Variants in HEPHL1 observed in about 807,000 individuals in gnomAD.
The protein encoded by HEPHL1 is ferroxidase HEPHL1.
In HEPHL1, 123 loss-of-function variants were observed where a neutral mutation model predicts 122.0. The ratio of observed to expected loss-of-function variants is 1.01; its 90% confidence interval spans 0.87 to 1.17. The LOEUF (loss-of-function observed/expected upper bound fraction) is 1.17, where lower values mean the gene tolerates loss of function less well. Among genes scored for constraint, HEPHL1 ranks in the 50% most tolerant of loss-of-function variants. The pLI is 0.00. For missense variants in HEPHL1, 1,452 were observed against 1,430.5 expected (o/e 1.01, Z -0.24); for synonymous variants, 527 against 508.9 (o/e 1.04, Z -0.48).
intron 9 of HEPHL1, among the ~76,000 whole-genome samples, chr11:94,078,123 A>G (rs1946141029): frequency 6.6e-6 from 1 of 152,080 alleles, no homozygotes; most frequent in Non-Finnish European, 1.5e-5. Flanking sequence ...GTTGACATGC[A>G]ACAAATATTT....
intron 2 of HEPHL1, among the ~76,000 whole-genome samples, chr11:94,046,717 GGC>G (rs1945842901): frequency 6.6e-6 from 1 of 151,748 alleles, no homozygotes; most frequent in East Asian, 1.9e-4. Flanking sequence ...GTTTCATTAG[GGC>G]AGTTTCTGGA....
At chr11:94,036,085 A>G (rs758092029) in intron 1 of HEPHL1, among the ~76,000 whole-genome samples, 5 of 152,084 alleles carry the variant, frequency 3.3e-5, no homozygotes, top group Non-Finnish European at 7.4e-5. Flanking sequence ...CTTTTATACC[A>G]CCACTGAAAT....
At position 94,045,903 on chromosome 11, in the gene HEPHL1, A is replaced by G. The variant is rs1351417471; in HGVS notation, c.401A>G (p.Asn134Ser). The change falls in exon 2 of 20, where the codon AAC (asparagine) becomes AGC (serine). Residue 134 changes from asparagine (N) to serine (S), a missense_variant. Transcript: ENST00000315765. The stretch of plus-strand genomic sequence containing the variant: ...CTGCATCCACATGGCGTTTTCTACA[A>G]CAAAGATTCAGAAGGTAAATATCAA... ...YSLHPHGVFY[N>S]KDSEGALYPD... is the part of the protein sequence containing the mutation. 1 of 1,613,776 alleles carries G rather than the reference A, an allele frequency of 6.2e-7. No individual in the cohort carries two copies. The highest frequency in any genetic ancestry group is 1.1e-5 in the South Asian group (1 of 91,056).
intron 17 of HEPHL1, among the ~76,000 whole-genome samples, chr11:94,109,771 G>T (rs1591491868): frequency 6.6e-6 from 1 of 152,166 alleles, no homozygotes. Flanking sequence ...CTATGTTCAT[G>T]AGGAGTATTG....
intron 12 of HEPHL1, among the ~76,000 whole-genome samples, chr11:94,090,878 G>C (rs1327765170): frequency 6.6e-6 from 1 of 152,150 alleles, no homozygotes. Flanking sequence ...TTGGGACCTA[G>C]AAGTCTTTCT....
At chr11:94,024,179 G>A (rs1349907012) in intron 1 of HEPHL1, among the ~76,000 whole-genome samples, 3 of 152,154 alleles carry the variant, frequency 2.0e-5, no homozygotes, top group African/African-American at 7.2e-5. Context: ...GACCAGGAGA[G>A]CCAGGTGCTC....
chr11:94,036,950 T>G (rs563726571), intron 1 of HEPHL1, among the ~76,000 whole-genome samples: 92 of 152,148 alleles, frequency 6.0e-4, no homozygotes, highest in African/African-American at 2.1e-3. Context: ...CATTTCCATC[T>G]GAGGTACAGG....
chr11:94,089,984 C>T (rs1045170532), intron 12 of HEPHL1, among the ~76,000 whole-genome samples: 4 of 152,028 alleles, frequency 2.6e-5, no homozygotes, highest in Non-Finnish European at 1.5e-5. Flanking sequence ...TCCGTGGCTG[C>T]GAGACAAACA....
intron 1 of HEPHL1, among the ~76,000 whole-genome samples, chr11:94,039,431 C>T (rs1163104016): frequency 3.3e-5 from 5 of 151,376 alleles, no homozygotes; most frequent in African/African-American, 1.2e-4. Context: ...TTTTTCAGCA[C>T]CACACCACAC....
At chr11:94,090,068 A>T (rs1591484082) in intron 12 of HEPHL1, among the ~76,000 whole-genome samples, 1 of 151,986 alleles carries the variant, frequency 6.6e-6, no homozygotes, top group South Asian at 2.1e-4. Context: ...GAGGGGCTGT[A>T]CTTATGGAAA....
At chr11:94,099,963 G>A (rs1946354453) in intron 13 of HEPHL1, among the ~76,000 whole-genome samples, 1 of 152,112 alleles carries the variant, frequency 6.6e-6, no homozygotes, top group Non-Finnish European at 1.5e-5. Context: ...TGCTTCCCAG[G>A]TAAGGCGATG....
chr11:94,096,166 T>C (rs1164797397), intron 13 of HEPHL1, among the ~76,000 whole-genome samples: 1 of 152,244 alleles, frequency 6.6e-6, no homozygotes, highest in Non-Finnish European at 1.5e-5. Flanking sequence ...TTGTCATAGA[T>C]AGCTCTTATT....
rs1179660094 is a variant in HEPHL1 at position 94,045,704 on chromosome 11, A to G, written c.202A>G (p.Asn68Asp). The change falls in exon 2 of 20, where the codon AAC (asparagine) becomes GAC (aspartate). Residue 68 changes from asparagine to aspartate, a missense_variant. Physicochemically the swap from Asn to Asp is conservative, Grantham distance 23 (BLOSUM62 1). Transcript: ENST00000315765. ...AACCTTATTTCTCGAAAGAGGGCCC[A>G]ACAGGATAGGCAGTATTTACAAAAA... ...LATLFLERGP[N>D]RIGSIYKKAV... 6.2e-7 allele frequency: 1 copy of G among 1,611,854 alleles called. No individual in the cohort carries two copies.
At chr11:94,035,161 A>G (rs936719280) in intron 1 of HEPHL1, among the ~76,000 whole-genome samples, 7 of 152,140 alleles carry the variant, frequency 4.6e-5, no homozygotes, top group African/African-American at 1.7e-4. Flanking sequence ...TCACCTGGAT[A>G]CCTTTCTCAA....
chr11:94,049,155 A>G (rs538151710), intron 2 of HEPHL1, among the ~76,000 whole-genome samples: 2 of 151,826 alleles, frequency 1.3e-5, no homozygotes, highest in Non-Finnish European at 2.9e-5. Flanking sequence ...AAAAACAAAA[A>G]CAAACCACAC....
At chr11:94,068,293 C>A (rs978286740) in intron 5 of HEPHL1, among the ~76,000 whole-genome samples, 18 of 152,144 alleles carry the variant, frequency 1.2e-4, no homozygotes, top group African/African-American at 4.3e-4. Flanking sequence ...ATAATAAGGA[C>A]CAATCCCCCC....
intron 4 of HEPHL1, among the ~76,000 whole-genome samples, chr11:94,065,863 T>A (rs549291824): frequency 1.3e-5 from 2 of 152,182 alleles, no homozygotes; most frequent in Non-Finnish European, 2.9e-5. Context: ...ATGAATTACA[T>A]AAGCAAACAT....
chr11:94,039,564 A>T (rs1242835759), intron 1 of HEPHL1, among the ~76,000 whole-genome samples: 2 of 151,758 alleles, frequency 1.3e-5, no homozygotes, highest in African/African-American at 4.9e-5. Flanking sequence ...AGGATTAAGA[A>T]TCTCACTCAA....
intron 12 of HEPHL1, among the ~76,000 whole-genome samples, chr11:94,091,245 G>C (rs1946262180): frequency 1.3e-5 from 2 of 152,172 alleles, no homozygotes; most frequent in Admixed American, 1.3e-4. Flanking sequence ...CTCACAAGAT[G>C]ATGAAAAAGC....
Sources: allele counts gnomAD v4.1 joint callset (sites outside exome capture counted in the v4.1 genomes callset), GRCh38; gene constraint gnomAD v4.1.1; transcripts MANE v1.5; gene names NCBI Gene and HGNC (gene_info 2026-07-23, HGNC 2026-07-21).